Variants in DPYSL2 observed in about 807,000 individuals in gnomAD.
DPYSL2 encodes the protein dihydropyrimidinase like 2, also known as dihydropyrimidinase-related protein 2.
In DPYSL2, 13 loss-of-function variants were observed where a neutral mutation model predicts 69.9. That is an observed-to-expected ratio of 0.19 (90% CI 0.12 to 0.30). The LOEUF (loss-of-function observed/expected upper bound fraction) is 0.30, where lower values mean the gene tolerates loss of function less well. DPYSL2 is among the 10% of genes least tolerant of loss of function. The pLI, the probability that DPYSL2 is intolerant of heterozygous loss-of-function variation, is 1.00. For synonymous variants in DPYSL2, 326 were observed against 359.1 expected (o/e 0.91, Z 1.04); for missense variants, 587 against 918.9 (o/e 0.64, Z 4.67).
intron 7 of DPYSL2, among the ~76,000 whole-genome samples, chr8:26,630,620 AT>A (rs1802748425): frequency 6.6e-6 from 1 of 151,998 alleles, no homozygotes; most frequent in South Asian, 2.1e-4. Context: ...CAGGGATGCC[AT>A]TCATGCAGGC....
At chr8:26,541,864 C>G (rs1347143699) in intron 1 of DPYSL2, among the ~76,000 whole-genome samples, 3 of 151,402 alleles carry the variant, frequency 2.0e-5, no homozygotes, top group Admixed American at 6.6e-5. Context: ...ACAAAGACAG[C>G]GAGAAAACAA....
chr8:26,578,392 G>A, intron 1 of DPYSL2: 4 of 1,581,542 alleles, frequency 2.5e-6, no homozygotes, highest in Non-Finnish European at 2.6e-6. Flanking sequence ...GAGAGGGACC[G>A]AACTTTTTTT....
chr8:26,537,943 A>G (rs922229289), intron 1 of DPYSL2, among the ~76,000 whole-genome samples: 2 of 152,162 alleles, frequency 1.3e-5, no homozygotes, highest in African/African-American at 4.8e-5. Context: ...TATAACCTTA[A>G]CACTTAATGA....
At chr8:26,554,097 C>T (rs1241437623) in intron 1 of DPYSL2, among the ~76,000 whole-genome samples, 1 of 151,994 alleles carries the variant, frequency 6.6e-6, no homozygotes, top group Non-Finnish European at 1.5e-5. Context: ...ACCATCTTGG[C>T]CAGGCTGGTC....
In DPYSL2 at chr8:26,597,495, T is replaced by A. The variant is rs1214444561; in HGVS notation, c.628+13512T>A. 1.3e-5 allele frequency among the ~76,000 whole-genome samples: 2 copies of A among 152,054 alleles called. No individual in the cohort carries two copies. Among genetic ancestry groups the A allele is most frequent in the Non-Finnish European group, 2.9e-5 (2 of 67,992 alleles). ...TTCTTTTCTTTTCTTTTTTTTTGGA[T>A]ACAGAGTCTCCCTCCGTTGCCTAGG... On this transcript the variant is annotated intron_variant, in intron 3 of 13. Coordinates refer to ENST00000521913, the MANE Select transcript of DPYSL2 (RefSeq NM_001197293.3). This position sits in a 1 kb window ranked among gnomAD's most constrained non-coding sequence, Gnocchi z 5.2.
chr8:26,608,033 C>T (rs1013589534), intron 3 of DPYSL2, among the ~76,000 whole-genome samples: 10 of 148,558 alleles, frequency 6.7e-5, no homozygotes, highest in Admixed American at 6.1e-4. Flanking sequence ...GCCTAGATCA[C>T]GCCACTGCAC....
At chr8:26,611,854 C>T (rs920835184) in intron 3 of DPYSL2, among the ~76,000 whole-genome samples, 25 of 152,190 alleles carry the variant, frequency 1.6e-4, no homozygotes, top group African/African-American at 4.8e-4. Context: ...GGGACTCAGG[C>T]GCCTGGGGCT....
At chr8:26,524,359 A>G (rs1293939656) in intron 1 of DPYSL2, among the ~76,000 whole-genome samples, 1 of 152,210 alleles carries the variant, frequency 6.6e-6, no homozygotes, top group Non-Finnish European at 1.5e-5. Flanking sequence ...AGAAATAATA[A>G]CAAAAGTAAG....
chr8:26,554,776 C>G (rs1428918862), intron 1 of DPYSL2, among the ~76,000 whole-genome samples: 1 of 152,000 alleles, frequency 6.6e-6, no homozygotes, highest in East Asian at 1.9e-4. Context: ...TTCTATGAGG[C>G]CAAAATTACC....
At chr8:26,540,820 G>T (rs1413524606) in intron 1 of DPYSL2, among the ~76,000 whole-genome samples, 1 of 151,014 alleles carries the variant, frequency 6.6e-6, no homozygotes, top group Non-Finnish European at 1.5e-5. Flanking sequence ...CAGGAGAATT[G>T]CTTGAACCCG....
chr8:26,608,398 T>G (rs1277582314), intron 3 of DPYSL2, among the ~76,000 whole-genome samples: 5 of 152,228 alleles, frequency 3.3e-5, no homozygotes, highest in Non-Finnish European at 1.5e-5. Context: ...ATTGAAGTAC[T>G]TTTGTACTTA....
intron 3 of DPYSL2, among the ~76,000 whole-genome samples, chr8:26,608,076 CAAA>C (rs11355802): frequency 1.8e-4 from 13 of 73,966 alleles, no homozygotes; most frequent in African/African-American, 4.1e-4. Context: ...GACTCCATCT[CAAA>C]AAAAAAAAAA....
intron 1 of DPYSL2, among the ~76,000 whole-genome samples, chr8:26,547,362 G>GA (rs35108046): frequency 0.15 from 21,680 of 147,112 alleles, 1,695 homozygotes; most frequent in African/African-American, 0.2. Flanking sequence ...GACCCTGATT[G>GA]AAAAAAAAAA....
intron 1 of DPYSL2, among the ~76,000 whole-genome samples, chr8:26,530,967 G>A (rs1182059396): frequency 1.3e-5 from 2 of 151,858 alleles, no homozygotes; most frequent in Non-Finnish European, 2.9e-5. Context: ...GCTGAGGTGC[G>A]AGGACGGTTT....
chr8:26,538,960 C>T (rs1336981092), intron 1 of DPYSL2, among the ~76,000 whole-genome samples: 1 of 152,168 alleles, frequency 6.6e-6, no homozygotes, highest in Non-Finnish European at 1.5e-5. Flanking sequence ...CTATAGAATC[C>T]AACAATGTTT....
At chr8:26,549,953 G>A (rs1245083698) in intron 1 of DPYSL2, among the ~76,000 whole-genome samples, 1 of 152,120 alleles carries the variant, frequency 6.6e-6, no homozygotes, top group Non-Finnish European at 1.5e-5. Context: ...TAAAAAGAGA[G>A]TTGGATCTAC....
At chr8:26,651,221 T>C (rs1042196897) in intron 11 of DPYSL2, among the ~76,000 whole-genome samples, 3 of 152,174 alleles carry the variant, frequency 2.0e-5, no homozygotes, top group Non-Finnish European at 2.9e-5. Context: ...CACCCAACAT[T>C]GTATGCGGGG....
rs918012699 is a variant in DPYSL2 at position 26,562,485 on chromosome 8, C to T, written c.355-19484C>T. Among the ~76,000 whole-genome samples the T allele has an allele frequency of 6.6e-6, 1 of 152,160 alleles. No homozygotes were observed. Among genetic ancestry groups the T allele is most frequent in the African/African-American group, 2.4e-5 (1 of 41,430 alleles). ...ACTGGTTGCCTCTGTTTGACCCTTG[C>T]ACCACCACACTACAGCTGGAATAAT... On this transcript the variant is annotated intron_variant, in intron 1 of 13. Transcript: ENST00000521913. This position sits in a 1 kb window ranked among gnomAD's most constrained non-coding sequence, Gnocchi z 4.9.
chr8:26,569,905 G>C (rs982397864), intron 1 of DPYSL2, among the ~76,000 whole-genome samples: 1 of 152,130 alleles, frequency 6.6e-6, no homozygotes, highest in Non-Finnish European at 1.5e-5. Flanking sequence ...AGCTGGAAAG[G>C]AATAGAAGGG....
Sources: gnomAD v4.1 joint callset for allele counts (sites outside exome capture counted in the v4.1 genomes callset) on GRCh38, gnomAD v4.1.1 for gene constraint, Gnocchi (gnomAD v3.1) non-coding constraint, MANE v1.5 for transcripts, NCBI Gene and HGNC (gene_info 2026-07-23, HGNC 2026-07-21) for gene names.